RCAN2: variants seen among roughly 807,000 people sequenced by gnomAD.
RCAN2 encodes regulator of calcineurin 2.
In RCAN2, 9 loss-of-function variants were observed where a neutral mutation model predicts 23.6. The observed-to-expected ratio is 0.38, with a 90% CI of 0.23 to 0.67. The LOEUF (loss-of-function observed/expected upper bound fraction) is 0.67, where lower values mean the gene tolerates loss of function less well. Among genes scored for constraint, RCAN2 ranks in the 30% least tolerant of loss-of-function variants. The pLI is 0.51. For synonymous variants in RCAN2, 109 were observed against 115.7 expected (o/e 0.94, Z 0.37); for missense variants, 273 against 302.3 (o/e 0.90, Z 0.72).
Position 46,278,412 on chromosome 6 carries a change from A to G in RCAN2, c.226-29516T>C, listed in dbSNP as rs77968599. Among the ~76,000 whole-genome samples, 436 of 152,042 alleles carry G rather than the reference A, an allele frequency of 2.9e-3. 1 individual carries two copies. The highest frequency in any genetic ancestry group is 0.014 in the Middle Eastern group (4 of 294). On this transcript the variant is annotated intron_variant, in intron 2 of 4. Coordinates refer to ENST00000371374, the MANE Select transcript of RCAN2 (RefSeq NM_001251974.2). Reference sequence around the variant, plus strand: ...ACACACATACACACAAAAAAAACCCACACACTTTATTCCTGAATCATTTGA... The same window carrying G: ...ACACACATACACACAAAAAAAACCCGCACACTTTATTCCTGAATCATTTGA...
chr6:46,446,456 C>G (rs1471514449), intron 2 of RCAN2, among the ~76,000 whole-genome samples: 1 of 152,130 alleles, frequency 6.6e-6, no homozygotes. Flanking sequence ...AATGGGATTT[C>G]TTCAATCTAA....
chr6:46,234,024 C>T (rs774186626), intron 4 of RCAN2, among the ~76,000 whole-genome samples: 4 of 152,118 alleles, frequency 2.6e-5, no homozygotes, highest in African/African-American at 4.8e-5. Flanking sequence ...CCACCGTGCC[C>T]GGCCTGAAGA....
At chr6:46,310,055 G>T (rs937856977) in intron 2 of RCAN2, among the ~76,000 whole-genome samples, 2 of 152,104 alleles carry the variant, frequency 1.3e-5, no homozygotes, top group African/African-American at 4.8e-5. Context: ...GGTAGACTAA[G>T]ATTTTGAGGT....
At chr6:46,297,238 A>G (rs1030783258) in intron 2 of RCAN2, among the ~76,000 whole-genome samples, 2 of 152,140 alleles carry the variant, frequency 1.3e-5, no homozygotes, top group Admixed American at 1.3e-4. Flanking sequence ...AGGAGGCTCT[A>G]CAGACACTGA....
At chr6:46,459,099 C>T (rs1288488376) in intron 1 of RCAN2, among the ~76,000 whole-genome samples, 2 of 152,096 alleles carry the variant, frequency 1.3e-5, no homozygotes, top group Non-Finnish European at 2.9e-5. Flanking sequence ...GGTTTCACCA[C>T]GTTGGCCAGG....
chr6:46,403,157 G>A (rs1333569126), intron 2 of RCAN2, among the ~76,000 whole-genome samples: 3 of 152,054 alleles, frequency 2.0e-5, no homozygotes, highest in African/African-American at 7.2e-5. Flanking sequence ...AGTAGAGACG[G>A]GGTTTCACCA....
intron 2 of RCAN2, among the ~76,000 whole-genome samples, chr6:46,448,235 G>T (rs59718054): frequency 6.6e-6 from 1 of 151,462 alleles, no homozygotes. Context: ...TAACTTAGAA[G>T]AAATGGATAA....
intron 2 of RCAN2, among the ~76,000 whole-genome samples, chr6:46,437,926 A>G (rs1561905965): frequency 6.6e-6 from 1 of 152,246 alleles, no homozygotes; most frequent in Non-Finnish European, 1.5e-5. Context: ...GCAAGCTCAC[A>G]GGTCACCTTC....
intron 4 of RCAN2, among the ~76,000 whole-genome samples, chr6:46,246,279 T>C (rs910856309): frequency 2.0e-5 from 3 of 152,190 alleles, no homozygotes; most frequent in Admixed American, 6.5e-5. Flanking sequence ...ACTGACTTCT[T>C]AGGAACTTGG....
chr6:46,255,064 C>A (rs1231306643), intron 2 of RCAN2, among the ~76,000 whole-genome samples: 1 of 152,156 alleles, frequency 6.6e-6, no homozygotes, highest in African/African-American at 2.4e-5. Context: ...TTGTTTTAAG[C>A]CACTCAGTTT....
intron 2 of RCAN2, among the ~76,000 whole-genome samples, chr6:46,315,387 G>A (rs375021210): frequency 2.0e-5 from 3 of 152,146 alleles, no homozygotes; most frequent in Non-Finnish European, 4.4e-5. Context: ...GCAGGATGAG[G>A]GGTGGAGCGG....
chr6:46,310,521 T>C (rs959713894), intron 2 of RCAN2, among the ~76,000 whole-genome samples: 3 of 148,020 alleles, frequency 2.0e-5, no homozygotes, highest in African/African-American at 8.0e-5. Flanking sequence ...TGAAGAAACT[T>C]TGTTTTCTAA....
intron 2 of RCAN2, among the ~76,000 whole-genome samples, chr6:46,286,213 G>A (rs1490937801): frequency 6.6e-6 from 1 of 152,128 alleles, no homozygotes; most frequent in Non-Finnish European, 1.5e-5. Flanking sequence ...TGTTCAAACT[G>A]TTCGAATAAG....
At chr6:46,271,707 T>G (rs1767529706) in intron 2 of RCAN2, among the ~76,000 whole-genome samples, 1 of 152,220 alleles carries the variant, frequency 6.6e-6, no homozygotes, top group African/African-American at 2.4e-5. Flanking sequence ...AAATGTTGGT[T>G]TCTTTCTCTT....
chr6:46,226,576 GCTCT>G (rs1453432454), intron 4 of RCAN2, among the ~76,000 whole-genome samples: 1 of 151,954 alleles, frequency 6.6e-6, no homozygotes, highest in East Asian at 1.9e-4. Flanking sequence ...TCATGATTTG[GCTCT>G]CTGTTTGTTG....
intron 4 of RCAN2, among the ~76,000 whole-genome samples, 153 bp downstream of exon 4, chr6:46,246,595 A>C (rs1360049884): frequency 1.3e-5 from 2 of 152,190 alleles, no homozygotes; most frequent in Non-Finnish European, 2.9e-5. Context: ...CTGCATTCTC[A>C]TCCATCATTC....
chr6:46,264,922 G>A (rs1482968299), intron 2 of RCAN2, among the ~76,000 whole-genome samples: 5 of 152,116 alleles, frequency 3.3e-5, no homozygotes, highest in East Asian at 1.9e-4. Flanking sequence ...ATGAAGAAAC[G>A]AGTTAAAAGA....
intron 4 of RCAN2, 39 bp from the exon 5 acceptor site, chr6:46,223,340 G>C (rs1481665686): frequency 2.5e-6 from 4 of 1,585,148 alleles, no homozygotes; most frequent in Middle Eastern, 1.7e-4. Flanking sequence ...AAGAGGGGGG[G>C]ATTTCAAAAG....
chr6:46,348,597 A>C (rs1764558558), intron 2 of RCAN2, among the ~76,000 whole-genome samples: 1 of 152,164 alleles, frequency 6.6e-6, no homozygotes, highest in African/African-American at 2.4e-5. Context: ...CTCAGGCTCC[A>C]ATTTTGTTCC....
Sources: allele counts gnomAD v4.1 joint callset (sites outside exome capture counted in the v4.1 genomes callset), GRCh38; gene constraint gnomAD v4.1.1; transcripts MANE v1.5; gene names NCBI Gene and HGNC (gene_info 2026-07-23, HGNC 2026-07-21).